STK32B: variants seen among roughly 807,000 people sequenced by gnomAD.
The protein encoded by STK32B is serine/threonine-protein kinase 32B.
A neutral mutation model predicts 52.6 loss-of-function variants in STK32B; 43 were observed. That is an observed-to-expected ratio of 0.82 (90% confidence interval 0.64 to 1.05). STK32B has a LOEUF of 1.05. Ranked by LOEUF, STK32B falls within the 50% of genes least tolerant of loss-of-function variation. The pLI, the probability that STK32B is intolerant of heterozygous loss-of-function variation, is 0.00. For missense variants in STK32B, 621 were observed against 534.6 expected, an observed-to-expected ratio of 1.16 and a Z score of -1.59; for synonymous variants, 238 against 204.3, an observed-to-expected ratio of 1.17 and a Z score of -1.41.
chr4:5,330,067 G>C (rs78715964), intron 3 of STK32B, among the ~76,000 whole-genome samples: 2 of 152,154 alleles, frequency 1.3e-5, no homozygotes, highest in East Asian at 1.9e-4. Flanking sequence ...GCGAGTGAGA[G>C]TCAGGGGATT....
chr4:5,306,199 C>T (rs900935027), intron 3 of STK32B, among the ~76,000 whole-genome samples: 1 of 152,106 alleles, frequency 6.6e-6, no homozygotes, highest in African/African-American at 2.4e-5. Flanking sequence ...ATAGAATGTT[C>T]TGTAAATATT....
At chr4:5,325,329 GTT>G (rs11327335) in intron 3 of STK32B, among the ~76,000 whole-genome samples, 1 of 149,670 alleles carries the variant, frequency 6.7e-6, no homozygotes, top group Admixed American at 6.6e-5. Context: ...CTAAACAATT[GTT>G]TTTTTTTTCC....
intron 3 of STK32B, among the ~76,000 whole-genome samples, chr4:5,311,546 G>T (rs6814237): frequency 0.13 from 19,481 of 151,920 alleles, 2,710 homozygotes; most frequent in African/African-American, 0.36. Context: ...TAGCAAGACT[G>T]ACAAACATAA....
chr4:5,286,261 C>CA (rs1194803607), intron 3 of STK32B, among the ~76,000 whole-genome samples: 1 of 152,156 alleles, frequency 6.6e-6, no homozygotes, highest in Non-Finnish European at 1.5e-5. Flanking sequence ...AGATGAGCCA[C>CA]AAAACTAGAC....
chr4:5,319,381 C>G (rs1412240480), intron 3 of STK32B, among the ~76,000 whole-genome samples: 2 of 152,188 alleles, frequency 1.3e-5, no homozygotes, highest in Non-Finnish European at 2.9e-5. Flanking sequence ...AAAGGTCCTC[C>G]AACTAATTGG....
rs777135556 is a variant in STK32B at position 5,470,373 on chromosome 4, A to G, written c.1106+2303A>G. On this transcript the variant is annotated intron_variant, in intron 11 of 11. Coordinates refer to ENST00000282908, the MANE Select transcript of STK32B (RefSeq NM_018401.3). This position sits in a 1 kb window ranked among gnomAD's most constrained non-coding sequence, Gnocchi z 4.6. Reference sequence around the variant, plus strand: ...CATAGTTTACCGGAGTCAGCAAAATAAAGAAAGAGGGCAGACGTCATGTGT... The same window carrying G: ...CATAGTTTACCGGAGTCAGCAAAATGAAGAAAGAGGGCAGACGTCATGTGT... 2.0e-5 allele frequency among the ~76,000 whole-genome samples: 3 copies of G among 152,148 alleles called. No homozygotes were observed. Among genetic ancestry groups the G allele is most frequent in the Non-Finnish European group, 4.4e-5 (3 of 68,026 alleles).
Position 5,410,875 on chromosome 4 carries a change from C to T in STK32B, c.473-5970C>T, listed in dbSNP as rs529347849. On this transcript the variant is annotated intron_variant, in intron 5 of 11. Coordinates refer to ENST00000282908, the MANE Select transcript of STK32B (RefSeq NM_018401.3). ...TTCTGGGGGCTTGGAAGTCCAAGAT[C>T]GTGGGCAGATTCAGTGTCTGGTGAG... 7.8e-4 allele frequency among the ~76,000 whole-genome samples: 119 copies of T among 152,208 alleles called. 1 individual carries two copies. The highest frequency in any genetic ancestry group is 6.0e-4 in the Non-Finnish European group (41 of 68,010).
intron 1 of STK32B, among the ~76,000 whole-genome samples, chr4:5,072,601 C>T (rs1196734300): frequency 1.3e-5 from 2 of 152,118 alleles, no homozygotes; most frequent in African/African-American, 4.8e-5. Context: ...GGCTTCCAGT[C>T]CCAATTCTGT....
chr4:5,491,674 A>T (rs2108726475), intron 11 of STK32B, among the ~76,000 whole-genome samples: 1 of 152,150 alleles, frequency 6.6e-6, no homozygotes, highest in Non-Finnish European at 1.5e-5. Context: ...CCTGAATGGT[A>T]ATGCCTAGGT....
At chr4:5,068,379 T>G (rs1300626276) in intron 1 of STK32B, among the ~76,000 whole-genome samples, 1 of 152,146 alleles carries the variant, frequency 6.6e-6, no homozygotes, top group Non-Finnish European at 1.5e-5. Flanking sequence ...CAACATTTGG[T>G]TTTCCACTCT....
intron 2 of STK32B, among the ~76,000 whole-genome samples, chr4:5,163,364 T>A (rs1219283941): frequency 1.3e-5 from 2 of 152,000 alleles, no homozygotes; most frequent in African/African-American, 2.4e-5. Flanking sequence ...GAAACAGGAT[T>A]TATGGCAGCT....
At chr4:5,125,277 A>G (rs902162594) in intron 1 of STK32B, among the ~76,000 whole-genome samples, 11 of 152,264 alleles carry the variant, frequency 7.2e-5, no homozygotes, top group African/African-American at 2.7e-4. Flanking sequence ...CCTACAGAAC[A>G]GTGAGTTAGT....
At chr4:5,492,836 T>C (rs1419408842) in intron 11 of STK32B, among the ~76,000 whole-genome samples, 2 of 151,188 alleles carry the variant, frequency 1.3e-5, no homozygotes, top group African/African-American at 2.5e-5. Flanking sequence ...GAGATAATCA[T>C]GTGGTTTTTG....
At chr4:5,320,205 G>T (rs1173362746) in intron 3 of STK32B, among the ~76,000 whole-genome samples, 2 of 152,066 alleles carry the variant, frequency 1.3e-5, no homozygotes, top group Non-Finnish European at 2.9e-5. Context: ...TGAGCACCTT[G>T]AGTAGAGCGG....
At chr4:5,336,622 T>A (rs1732714974) in intron 4 of STK32B, among the ~76,000 whole-genome samples, 1 of 152,086 alleles carries the variant, frequency 6.6e-6, no homozygotes, top group South Asian at 2.1e-4. Flanking sequence ...AAGCAGAAAT[T>A]TAAAGAACTC....
chr4:5,477,618 G>C (rs1164299032), intron 11 of STK32B, among the ~76,000 whole-genome samples: 2 of 152,274 alleles, frequency 1.3e-5, no homozygotes, highest in East Asian at 3.9e-4. Context: ...GGTCAGCTTG[G>C]AGTGCAGCTC....
chr4:5,192,752 T>G (rs1721321832), intron 3 of STK32B, among the ~76,000 whole-genome samples: 2 of 49,298 alleles, frequency 4.1e-5, no homozygotes, highest in South Asian at 1.1e-3. Context: ...AGTTCTACTC[T>G]CGGCAAATTT....
intron 3 of STK32B, among the ~76,000 whole-genome samples, chr4:5,316,111 AATATAT>A (rs141929839): frequency 3.3e-5 from 4 of 122,682 alleles, no homozygotes; most frequent in East Asian, 2.1e-4. Context: ...TTTCTGTATA[AATATAT>A]ATATATATTT....
intron 3 of STK32B, among the ~76,000 whole-genome samples, chr4:5,200,638 G>T (rs1722067280): frequency 6.6e-6 from 1 of 152,128 alleles, no homozygotes; most frequent in East Asian, 1.9e-4. Flanking sequence ...GAAAAACTAG[G>T]CTTAGGCTCA....
Sources: allele counts gnomAD v4.1 joint callset (sites outside exome capture counted in the v4.1 genomes callset), GRCh38; gene constraint gnomAD v4.1.1; non-coding constraint Gnocchi (gnomAD v3.1); transcripts MANE v1.5; gene names NCBI Gene and HGNC (gene_info 2026-07-23, HGNC 2026-07-21).